SPRR2B: variants seen among roughly 807,000 people sequenced by gnomAD.
The protein encoded by SPRR2B is small proline-rich protein 2B.
In SPRR2B, 1 loss-of-function variant was observed where a neutral mutation model predicts 1.0. The ratio of observed to expected loss-of-function variants is 1.01; its 90% CI spans 0.36 to 4.77. The LOEUF is 4.77. SPRR2B is among the 30% of genes most tolerant of loss of function. The probability of loss-of-function intolerance (pLI) is 0.16; values close to 1 mark genes in which losing one functional copy is unlikely to be tolerated. For missense variants in SPRR2B, 53 were observed against 88.7 expected, an observed-to-expected ratio of 0.60 and a Z score of 1.62; for synonymous variants, 27 against 33.4, an observed-to-expected ratio of 0.81 and a Z score of 0.66.
chr1:153,077,440 C>T, the SPRR2B span, among the ~76,000 whole-genome samples: 3 of 152,190 alleles, frequency 2.0e-5, no homozygotes, highest in Admixed American at 1.3e-4. Context: ...TACATAAAAG[C>T]TGGCATTGTT....
chr1:153,086,152 A>T, the SPRR2B span, among the ~76,000 whole-genome samples: 6 of 152,306 alleles, frequency 3.9e-5, no homozygotes, highest in South Asian at 1.2e-3. Flanking sequence ...AGCTAATATC[A>T]TGCCACAATC....
the SPRR2B span, among the ~76,000 whole-genome samples, chr1:153,085,405 A>G: frequency 6.6e-6 from 1 of 151,412 alleles, no homozygotes; most frequent in African/African-American, 2.4e-5. Context: ...ACAAGCATTA[A>G]CATCTGAATA....
chr1:153,086,368 G>T, the SPRR2B span, among the ~76,000 whole-genome samples: 1 of 151,984 alleles, frequency 6.6e-6, no homozygotes, highest in South Asian at 2.1e-4. Flanking sequence ...AAAAAGCAGG[G>T]GTTGCCATCC....
At position 153,070,441 on chromosome 1, in the gene SPRR2B, G is replaced by T; in HGVS notation, c.*180C>A. On this transcript the variant is annotated 3_prime_UTR_variant, in exon 2 of 2. Transcript: ENST00000368755. ...TCTCCACCTGGACAGTGGCAGTATGGCAGCCTTAGAAAGGAAACCTTTTGC... is the reference window on the plus strand; with the variant it reads ...TCTCCACCTGGACAGTGGCAGTATGTCAGCCTTAGAAAGGAAACCTTTTGC... 1.6e-6 allele frequency: 2 copies of T among 1,220,558 alleles called. No individual in the cohort carries two copies. Among genetic ancestry groups the T allele is most frequent in the Non-Finnish European group, 2.2e-6 (2 of 890,110 alleles). 75.6% of individuals were successfully genotyped at this position (1,220,558 alleles called of 1,614,324 possible).
the SPRR2B span, among the ~76,000 whole-genome samples, chr1:153,086,645 T>C: frequency 6.6e-6 from 1 of 152,172 alleles, no homozygotes; most frequent in Non-Finnish European, 1.5e-5. Context: ...ATAAGATTCA[T>C]CACAAGGACT....
chr1:153,072,615 T>A (rs1201525654), upstream of SPRR2B, among the ~76,000 whole-genome samples: 2 of 152,150 alleles, frequency 1.3e-5, no homozygotes. Flanking sequence ...ATCCTATATG[T>A]TTGCTTTCTC....
the SPRR2B span, among the ~76,000 whole-genome samples, chr1:153,078,816 AT>A: frequency 6.6e-6 from 1 of 152,222 alleles, no homozygotes; most frequent in Admixed American, 6.5e-5. Context: ...TAGTGCTGCA[AT>A]AAACATATGT....
chr1:153,087,236 C>T, the SPRR2B span, among the ~76,000 whole-genome samples: 49 of 151,912 alleles, frequency 3.2e-4, no homozygotes, highest in Non-Finnish European at 4.9e-4. Flanking sequence ...GTCGAGATCA[C>T]GCTACTGCAA....
chr1:153,083,347 T>C, the SPRR2B span, among the ~76,000 whole-genome samples: 2 of 152,112 alleles, frequency 1.3e-5, no homozygotes, highest in Non-Finnish European at 2.9e-5. Context: ...AATACCCTGA[T>C]ACAAAAGCCA....
chr1:153,070,472 G>C lies in SPRR2B; in HGVS notation c.*149C>G. On this transcript the variant is annotated 3_prime_UTR_variant, in exon 2 of 2. Transcript: ENST00000368755. The stretch of plus-strand genomic sequence containing the variant: ...TTAGAAAGGAAACCTTTTGCTATCA[G>C]GGAACATCATGGGCAGATCACAGGC... The C allele has an allele frequency of 7.1e-7, 1 of 1,405,748 alleles. No homozygotes were observed. The highest frequency in any genetic ancestry group is 9.6e-7 in the Non-Finnish European group (1 of 1,045,792). 87.1% of individuals were successfully genotyped at this position (1,405,748 alleles called of 1,614,324 possible).
chr1:153,073,390 T>A (rs1352242513), upstream of SPRR2B, among the ~76,000 whole-genome samples: 1 of 152,178 alleles, frequency 6.6e-6, no homozygotes, highest in Admixed American at 6.5e-5. Flanking sequence ...GAGAATTGGC[T>A]GCTAAATGAG....
the SPRR2B span, among the ~76,000 whole-genome samples, chr1:153,080,252 C>T: frequency 6.6e-6 from 1 of 152,100 alleles, no homozygotes; most frequent in East Asian, 1.9e-4. Context: ...ATAATTCACT[C>T]TCAAAAATGG....
At chr1:153,080,278 T>G in the SPRR2B span, among the ~76,000 whole-genome samples, 1 of 151,894 alleles carries the variant, frequency 6.6e-6, no homozygotes, top group African/African-American at 2.4e-5. Context: ...ATAATAAAAG[T>G]TTGAAAAAAT....
upstream of SPRR2B, among the ~76,000 whole-genome samples, chr1:153,072,135 A>C (rs371456314): frequency 3.9e-5 from 6 of 152,282 alleles, no homozygotes; most frequent in East Asian, 7.7e-4. Context: ...CAGTGACCAC[A>C]TTGTGCCATC....
chr1:153,083,650 G>C, the SPRR2B span, among the ~76,000 whole-genome samples: 4 of 152,166 alleles, frequency 2.6e-5, no homozygotes, highest in Admixed American at 2.6e-4. Flanking sequence ...ACCAGAACTC[G>C]TTCCTGGCCT....
chr1:153,084,595 G>A, the SPRR2B span, among the ~76,000 whole-genome samples: 196 of 152,252 alleles, frequency 1.3e-3, 5 homozygotes, highest in East Asian at 0.037. Context: ...ATGCCCTCAA[G>A]CCACATTGCC....
At chr1:153,077,186 A>G in the SPRR2B span, among the ~76,000 whole-genome samples, 1 of 152,236 alleles carries the variant, frequency 6.6e-6, no homozygotes, top group Non-Finnish European at 1.5e-5. Context: ...ATCAGGAGGT[A>G]GTGGGATGAC....
upstream of SPRR2B, among the ~76,000 whole-genome samples, chr1:153,075,346 A>AAAT (rs1557911241): frequency 6.6e-6 from 1 of 152,120 alleles, no homozygotes. Flanking sequence ...TATCTCAAAA[A>AAAT]AAATAAATAA....
At position 153,070,693 on chromosome 1, in the gene SPRR2B, C is replaced by T. The variant is rs754526092; in HGVS notation, c.147G>A (p.Gln49=). The T allele has an allele frequency of 1.9e-6, 3 of 1,611,622 alleles. No homozygotes were observed. The highest frequency in any genetic ancestry group is 2.2e-5 in the East Asian group (1 of 44,862). The part of the protein sequence containing the change: ...PKCPQPCPPQ[Q]CQQKYPPVTP... ...TCACAGGAGGATATTTCTGCTGGCACTGCTGAGGTGGGCAGGGCTGTGGAC... is the reference window on the plus strand; with the variant it reads ...TCACAGGAGGATATTTCTGCTGGCATTGCTGAGGTGGGCAGGGCTGTGGAC... The change falls in exon 2 of 2, where the codon CAG becomes CAA. Residue 49 remains glutamine, a synonymous_variant. Transcript: ENST00000368755.
Sources: gnomAD v4.1 joint callset for allele counts (sites outside exome capture counted in the v4.1 genomes callset) on GRCh38, gnomAD v4.1.1 for gene constraint, MANE v1.5 for transcripts, NCBI Gene and HGNC (gene_info 2026-07-23, HGNC 2026-07-21) for gene names.